Variants in MGST2 observed in about 807,000 individuals in gnomAD.
The protein encoded by MGST2 is microsomal glutathione S-transferase 2, also known as glutathione peroxidase MGST2.
In MGST2, 9 loss-of-function variants were observed where a neutral mutation model predicts 16.6. The ratio of observed to expected loss-of-function variants is 0.54; its 90% CI spans 0.33 to 0.95. The LOEUF (loss-of-function observed/expected upper bound fraction) is 0.95, where lower values mean the gene tolerates loss of function less well. Ranked by LOEUF, MGST2 falls within the 40% of genes least tolerant of loss-of-function variation. The pLI is 0.03. For synonymous variants in MGST2, 79 were observed against 68.0 expected, an observed-to-expected ratio of 1.16 and a Z score of -0.79; for missense variants, 159 against 175.1, an observed-to-expected ratio of 0.91 and a Z score of 0.52.
At chr4:139,680,731 T>G (rs1428456780) in intron 2 of MGST2, among the ~76,000 whole-genome samples, 4 of 152,238 alleles carry the variant, frequency 2.6e-5, no homozygotes, top group Non-Finnish European at 4.4e-5. Flanking sequence ...GCCTCACAGT[T>G]AAGGGATGGC....
the MGST2 span, among the ~76,000 whole-genome samples, chr4:139,751,289 A>G: frequency 1.3e-5 from 2 of 152,232 alleles, no homozygotes; most frequent in East Asian, 3.8e-4. Context: ...CTTATCCAAA[A>G]TATTTGGGAT....
At chr4:139,710,623 C>A (rs1484591437) in intron 5 of MGST2, among the ~76,000 whole-genome samples, 1 of 152,134 alleles carries the variant, frequency 6.6e-6, no homozygotes, top group East Asian at 1.9e-4. Context: ...AAGAACAAAG[C>A]CCAATGCCAT....
At chr4:139,744,410 C>T (rs1039258343), downstream of MGST2, among the ~76,000 whole-genome samples, 16 of 152,134 alleles carry the variant, frequency 1.1e-4, no homozygotes, top group Non-Finnish European at 2.2e-4. Flanking sequence ...TGATATACCA[C>T]CCCCCAGGAG....
At chr4:139,704,791 G>A (rs1025167851), downstream of MGST2, among the ~76,000 whole-genome samples, 10 of 152,046 alleles carry the variant, frequency 6.6e-5, no homozygotes, top group African/African-American at 1.9e-4. Context: ...GCATGGTGGC[G>A]GGTGCCTGTA....
intron 1 of MGST2, among the ~76,000 whole-genome samples, chr4:139,668,051 T>C (rs1241696427): frequency 6.6e-6 from 1 of 152,188 alleles, no homozygotes; most frequent in African/African-American, 2.4e-5. Context: ...CCAATTCATG[T>C]AAGATGTACA....
At position 139,666,056 on chromosome 4, in the gene MGST2, A is replaced by G; in HGVS notation, c.37A>G (p.Ile13Val). 1 of 1,613,796 alleles carries G rather than the reference A, an allele frequency of 6.2e-7. No homozygotes were observed. Among genetic ancestry groups the G allele is most frequent in the Middle Eastern group, 1.7e-4 (1 of 6,052 alleles). The change falls in exon 1 of 5, where the codon ATT becomes GTT. Residue 13 changes from isoleucine (I) to valine (V), a missense_variant. Physicochemically the swap from Ile to Val is conservative, Grantham distance 29. Transcript: ENST00000265498. Reference protein sequence around the residue: ...GNSILLAAVSILSACQQSYFA... With the variant: ...GNSILLAAVSVLSACQQSYFA... ...CTCGATCCTGCTGGCTGCTGTCTCT[A>G]TTCTCTCGGCCTGTCAGCAAAGTAA... is the stretch of plus-strand genomic sequence containing the variant.
chr4:139,714,995 A>C (rs188491846), intron 5 of MGST2, among the ~76,000 whole-genome samples: 43 of 152,334 alleles, frequency 2.8e-4, no homozygotes, highest in African/African-American at 1.0e-3. Context: ...AGCAGTTAAC[A>C]TCCCATAGTG....
chr4:139,692,534 T>C (rs1242864334), intron 2 of MGST2, among the ~76,000 whole-genome samples: 14 of 152,114 alleles, frequency 9.2e-5, no homozygotes, highest in Admixed American at 7.2e-4. Context: ...CAGAGGGAGA[T>C]TAAGGGTGTG....
intron 5 of MGST2, chr4:139,731,490 C>CACCTGTAAT (rs1728718534): frequency 7.0e-6 from 1 of 143,058 alleles, no homozygotes; most frequent in Admixed American, 7.8e-5. Context: ...TGGTGGTGGG[C>CACCTGTAAT]ACCTGTAATC....
intron 3 of MGST2, among the ~76,000 whole-genome samples, chr4:139,696,264 T>C (rs542815179): frequency 3.5e-4 from 53 of 152,278 alleles, no homozygotes; most frequent in African/African-American, 1.2e-3. Context: ...GCAGTAGGTA[T>C]AAATTTATAG....
At chr4:139,684,621 T>C (rs1344044346) in intron 2 of MGST2, among the ~76,000 whole-genome samples, 2 of 152,174 alleles carry the variant, frequency 1.3e-5, no homozygotes, top group Non-Finnish European at 2.9e-5. Context: ...ACCCTCAAAG[T>C]ATCTGTAGGT....
At chr4:139,692,189 G>C (rs1481541507) in intron 2 of MGST2, among the ~76,000 whole-genome samples, 1 of 152,218 alleles carries the variant, frequency 6.6e-6, no homozygotes, top group Non-Finnish European at 1.5e-5. Context: ...TATTTCTTGA[G>C]AAAGAAAGGT....
intron 5 of MGST2, chr4:139,725,913 A>G: frequency 1.6e-6 from 2 of 1,216,850 alleles, no homozygotes; most frequent in Admixed American, 3.6e-5. Context: ...AGCAGTTCCG[A>G]GGAAGGTAGT....
At chr4:139,712,670 C>T (rs542850693) in intron 5 of MGST2, among the ~76,000 whole-genome samples, 1 of 152,276 alleles carries the variant, frequency 6.6e-6, no homozygotes, top group African/African-American at 2.4e-5. Flanking sequence ...CCCAAGATAA[C>T]TTGGGGCTCC....
chr4:139,732,279 C>T (rs1386904816), intron 5 of MGST2, among the ~76,000 whole-genome samples: 1 of 152,166 alleles, frequency 6.6e-6, no homozygotes, highest in Non-Finnish European at 1.5e-5. Context: ...CCTAGAGAGA[C>T]CGTCCTGGAT....
chr4:139,725,507 T>C (rs1445468245), intron 5 of MGST2, among the ~76,000 whole-genome samples: 6 of 152,216 alleles, frequency 3.9e-5, no homozygotes, highest in Non-Finnish European at 8.8e-5. Flanking sequence ...ACAGCTACCC[T>C]GACCCTTCCC....
chr4:139,714,157 T>G (rs2110933512), intron 5 of MGST2, among the ~76,000 whole-genome samples: 1 of 152,312 alleles, frequency 6.6e-6, no homozygotes, highest in South Asian at 2.1e-4. Flanking sequence ...CTGACCAGCT[T>G]GTGAGGTCAT....
chr4:139,687,190 A>G (rs1308743090), intron 2 of MGST2, among the ~76,000 whole-genome samples: 3 of 152,208 alleles, frequency 2.0e-5, no homozygotes, highest in African/African-American at 7.2e-5. Context: ...AATAATCAGG[A>G]CAGATTTGGA....
chr4:139,717,573 C>T (rs115361976), intron 5 of MGST2: 27 of 152,434 alleles, frequency 1.8e-4, no homozygotes, highest in Non-Finnish European at 3.2e-4. Flanking sequence ...CCCGGGTACG[C>T]GGAGAGCAAG....
Sources: allele counts gnomAD v4.1 joint callset (sites outside exome capture counted in the v4.1 genomes callset), GRCh38; gene constraint gnomAD v4.1.1; transcripts MANE v1.5; gene names NCBI Gene and HGNC (gene_info 2026-07-23, HGNC 2026-07-21).